The following MATK variants were observed in gnomAD, a reference collection of about 807,000 sequenced individuals.
MATK encodes megakaryocyte-associated tyrosine-protein kinase.
In MATK, 41 loss-of-function variants were observed where a neutral mutation model predicts 59.8. The ratio of observed to expected loss-of-function variants is 0.69; its 90% CI spans 0.53 to 0.89. The LOEUF (loss-of-function observed/expected upper bound fraction) is 0.89. Among genes scored for constraint, MATK ranks in the 40% least tolerant of loss-of-function variants. The probability of loss-of-function intolerance (pLI) is 0.00; values close to 1 mark genes in which losing one functional copy is unlikely to be tolerated. For synonymous variants in MATK, 308 were observed against 306.1 expected (o/e 1.01, Z -0.06); for missense variants, 593 against 719.6 (o/e 0.82, Z 2.01).
At chr19:3,798,903 T>C (rs1158999410) in intron 1 of MATK, among the ~76,000 whole-genome samples, 1 of 151,904 alleles carries the variant, frequency 6.6e-6, no homozygotes, top group African/African-American at 2.4e-5. Context: ...CCTCCAGGGC[T>C]CAAGTGATCC....
rs760743344 is a variant in MATK, at chr19:3,783,948, C to G, written c.448G>C (p.Ala150Pro). 11 of 1,612,508 alleles carry G rather than the reference C, an allele frequency of 6.8e-6. No homozygotes were observed. The highest frequency in any genetic ancestry group is 9.3e-6 in the Non-Finnish European group (11 of 1,179,720). The change falls in exon 6 of 14, where the codon GCG (alanine) becomes CCG (proline). Residue 150 changes from alanine (A) to proline (P), a missense_variant. Transcript: ENST00000310132. ...AGGACGTAGTCGCCGGGGTGGCGCG[C>G]GGACTCCCGCACCAGGAACAGCCCA... ...EDGLFLVRES[A>P]RHPGDYVLCV...
chr19:3,799,733 T>C (rs1260341648), intron 1 of MATK, among the ~76,000 whole-genome samples: 2 of 146,970 alleles, frequency 1.4e-5, no homozygotes, highest in East Asian at 2.1e-4. Context: ...CCCAGCTACT[T>C]GGGAGGCTGA....
chr19:3,785,552 T>A lies in MATK; in HGVS notation c.-151-266A>T. 4 of 271,550 alleles carry A rather than the reference T, an allele frequency of 1.5e-5. No homozygotes were observed. The South Asian group carries it at 1.6e-4, about 11-fold the overall frequency. The allele number at this position is 271,550 out of a possible 1,614,324, so 16.8% of individuals were successfully genotyped here. A position where few individuals can be genotyped will look rare whatever the true frequency, so the allele number is the denominator to read the frequency against. On this transcript the variant is annotated intron_variant, in intron 1 of 13. Transcript: ENST00000310132. ...CTGGGAAGTGGGCGGTGCTGGGGGG[T>A]GAGTCTCGGCCCCTCCAAGATGCGC...
At chr19:3,794,928 T>A (rs1022326483) in intron 1 of MATK, among the ~76,000 whole-genome samples, 2 of 152,066 alleles carry the variant, frequency 1.3e-5, no homozygotes, top group Non-Finnish European at 1.5e-5. Flanking sequence ...AAAACTTTAT[T>A]TATGGACATG....
At chr19:3,790,614 C>T (rs1229640629), upstream of MATK, among the ~76,000 whole-genome samples, 2 of 152,178 alleles carry the variant, frequency 1.3e-5, no homozygotes. Context: ...ATTTTCTCCT[C>T]CTCCCTCCAA....
At chr19:3,778,926 C>A in intron 12 of MATK, 66 bp downstream of exon 12, 1 of 1,455,512 alleles carries the variant, frequency 6.9e-7, no homozygotes, top group Non-Finnish European at 9.1e-7. Context: ...AAGGGACATA[C>A]CCAGGGTCAT....
At position 3,784,433 on chromosome 19, in the gene MATK, T is replaced by C. The variant is rs760330474; in HGVS notation, c.151A>G (p.Thr51Ala). 26 of 1,598,390 alleles carry C rather than the reference T, an allele frequency of 1.6e-5. No homozygotes were observed. The highest frequency in any genetic ancestry group is 1.8e-5 in the Non-Finnish European group (21 of 1,175,408). ...TGCTCGCATTTGGTGATACACTGGG[T>C]GCCCGGGGCCCAGCGCCTCTGCAGA... Reference protein sequence around the residue: ...RMPTRRWAPGTQCITKCEHTR... With the variant: ...RMPTRRWAPGAQCITKCEHTR... The change falls in exon 4 of 14, where the codon ACC (threonine) becomes GCC (alanine). Residue 51 changes from threonine to alanine, a missense_variant. Thr to Ala is a moderately conservative substitution (Grantham distance 58). Transcript: ENST00000310132.
At chr19:3,798,677 AT>A (rs36103363) in intron 1 of MATK, among the ~76,000 whole-genome samples, 79,711 of 144,358 alleles carry the variant, frequency 0.55, 21,459 homozygotes, top group East Asian at 0.67. Flanking sequence ...AGCCTGGCTA[AT>A]TTTTTTTTTT....
chr19:3,795,047 G>C (rs1410491036), intron 1 of MATK, among the ~76,000 whole-genome samples: 1 of 122,598 alleles, frequency 8.2e-6, no homozygotes, highest in Non-Finnish European at 1.6e-5. Context: ...GCGTGATCTT[G>C]GCTCACTGCA....
chr19:3,795,205 C>T (rs1323645107), intron 1 of MATK, among the ~76,000 whole-genome samples: 2 of 151,004 alleles, frequency 1.3e-5, no homozygotes, highest in Non-Finnish European at 2.9e-5. Context: ...TCTCGATCTC[C>T]TGACCTCGTG....
At chr19:3,782,837 C>G (rs2037419635) in intron 7 of MATK, 2 of 466,672 alleles carry the variant, frequency 4.3e-6, no homozygotes, top group Non-Finnish European at 7.7e-6. Flanking sequence ...GGAACCTGGC[C>G]AAGGAGGGAA....
intron 1 of MATK, among the ~76,000 whole-genome samples, chr19:3,794,744 T>C (rs1159962425): frequency 6.6e-6 from 1 of 152,102 alleles, no homozygotes; most frequent in Admixed American, 6.6e-5. Context: ...GAGCAGCCCC[T>C]AAGTCTCTCC....
rs373930544 is a variant in MATK, at chr19:3,791,969, G to A, written c.-57-2565C>T. On this transcript the variant is annotated intron_variant, in intron 1 of 13. Transcript: ENST00000395045. The stretch of plus-strand genomic sequence containing the variant: ...CTAAAAATACAAAAATTAGCTGGGC[G>A]TGGCGGCGGGTGCCTATAATCCCAA... 1.4e-4 allele frequency among the ~76,000 whole-genome samples: 22 copies of A among 152,134 alleles called. No homozygotes were observed. In the East Asian group the frequency reaches 3.7e-3, roughly 26 times the overall value.
At chr19:3,778,966 CA>C (rs1313937341) in intron 12 of MATK, 25 bp downstream of exon 12, 1 of 1,519,098 alleles carries the variant, frequency 6.6e-7, no homozygotes. Context: ...CCCAAAGCCC[CA>C]GGGGTATGTG....
intron 1 of MATK, among the ~76,000 whole-genome samples, chr19:3,800,036 G>C (rs1193660631): frequency 6.6e-6 from 1 of 151,926 alleles, no homozygotes. Context: ...CAGCTACTCG[G>C]GAGGCTGAGG....
At chr19:3,789,212 C>A, upstream of MATK, 1 of 739,482 alleles carries the variant, frequency 1.4e-6, no homozygotes, top group Admixed American at 1.8e-5. Context: ...CTTGCCTGAA[C>A]TAGAAGTGTT....
At position 3,779,566 on chromosome 19, in the gene MATK, C is replaced by T. The variant is rs2037369502; in HGVS notation, c.894G>A (p.Gln298=). The T allele has an allele frequency of 6.2e-7, 1 of 1,611,984 alleles. No individual in the cohort carries two copies. Reference sequence around the variant, plus strand: ...CGTGCTCCATGACAATGTACAGCCCCTGGTGCAGGATCACGCCCAGGAGAC... The same window carrying T: ...CGTGCTCCATGACAATGTACAGCCCTTGGTGCAGGATCACGCCCAGGAGAC... ...LVRLLGVILH[Q]GLYIVMEHVS... The change falls in exon 10 of 14, where the codon CAG becomes CAA. Residue 298 remains glutamine (Q), a synonymous_variant. Transcript: ENST00000310132.
intron 8 of MATK, 56 bp downstream of exon 8, chr19:3,781,551 C>T: frequency 1.3e-6 from 2 of 1,576,346 alleles, no homozygotes; most frequent in Non-Finnish European, 1.7e-6. Flanking sequence ...GACTCCAAAG[C>T]CTCAATACGC....
In MATK at chr19:3,778,320, C is replaced by T. The variant is rs2037348156; in HGVS notation, c.1387G>A (p.Ala463Thr). The change falls in exon 14 of 14, where the codon GCA becomes ACA. Residue 463 changes from alanine to threonine, a missense_variant. Ala to Thr is a moderately conservative substitution (Grantham distance 58). Coordinates refer to ENST00000310132, the MANE Select transcript of MATK (RefSeq NM_139355.3). ...VHVLMSSCWE[A>T]EPARRPPFRK... ...AAGGGTGGCCGGCGGGCGGGCTCTG[C>T]CTCCCAGCAGCTGCTCATGAGGACG... 2 of 1,576,734 alleles carry T rather than the reference C, an allele frequency of 1.3e-6. No individual in the cohort carries two copies. Among genetic ancestry groups the T allele is most frequent in the Non-Finnish European group, 1.7e-6 (2 of 1,165,396 alleles).
Sources: allele counts gnomAD v4.1 joint callset (sites outside exome capture counted in the v4.1 genomes callset), GRCh38; gene constraint gnomAD v4.1.1; transcripts MANE v1.5; gene names NCBI Gene and HGNC (gene_info 2026-07-23, HGNC 2026-07-21).